MOB3B: variants seen among roughly 807,000 people sequenced by gnomAD.
MOB3B encodes MOB kinase activator-like 2B.
MOB3B carries 7 observed loss-of-function variants against 18.7 expected under a neutral mutation model. That is an observed-to-expected ratio of 0.37 (90% CI 0.21 to 0.70). The LOEUF is 0.70. Ranked by LOEUF, MOB3B falls within the 30% of genes least tolerant of loss-of-function variation. The probability of loss-of-function intolerance (pLI) is 0.52; values close to 1 mark genes in which losing one functional copy is unlikely to be tolerated. For missense variants in MOB3B, 253 were observed against 281.3 expected, an observed-to-expected ratio of 0.90 and a Z score of 0.72; for synonymous variants, 111 against 99.9, an observed-to-expected ratio of 1.11 and a Z score of -0.66.
intron 1 of MOB3B, chr9:27,524,520 GA>G (rs779914347): frequency 6.2e-7 from 1 of 1,614,106 alleles, no homozygotes; most frequent in Non-Finnish European, 8.5e-7. Context: ...ATGTCTACGA[GA>G]AAACATAGCT....
intron 2 of MOB3B, among the ~76,000 whole-genome samples, chr9:27,441,536 C>T (rs796830040): frequency 2.6e-5 from 4 of 152,224 alleles, no homozygotes; most frequent in African/African-American, 9.6e-5. Context: ...CAGGTAGAGT[C>T]TACAGTGTGG....
intron 2 of MOB3B, among the ~76,000 whole-genome samples, chr9:27,437,489 T>A (rs947533177): frequency 6.6e-6 from 1 of 152,236 alleles, no homozygotes; most frequent in Non-Finnish European, 1.5e-5. Context: ...ATAGCTCTGT[T>A]AGCACATTTA....
chr9:27,444,665 T>C (rs1822663183), intron 2 of MOB3B, among the ~76,000 whole-genome samples: 2 of 152,234 alleles, frequency 1.3e-5, no homozygotes, highest in African/African-American at 4.8e-5. Flanking sequence ...TAAAAAACTC[T>C]GTAGCTTTGT....
Position 27,344,072 on chromosome 9 carries a change from G to A in MOB3B, c.622-13456C>T, listed in dbSNP as rs886750568. ...TAGTTAAGACACTAAATTTCCTTAT[G>A]TGTATTTTACCACAATTAAAAAAAT... On this transcript the variant is annotated intron_variant, in intron 3 of 3. Coordinates refer to ENST00000262244, the MANE Select transcript of MOB3B (RefSeq NM_024761.5). Among the ~76,000 whole-genome samples, 103 of 151,446 alleles carry A rather than the reference G, an allele frequency of 6.8e-4. 1 individual carries two copies. The highest frequency in any genetic ancestry group is 2.4e-3 in the African/African-American group (100 of 41,120).
At chr9:27,346,270 C>A (rs1052125451) in intron 3 of MOB3B, among the ~76,000 whole-genome samples, 7 of 152,166 alleles carry the variant, frequency 4.6e-5, no homozygotes, top group African/African-American at 1.7e-4. Flanking sequence ...GTGAGCAGTG[C>A]ATTTCTGTTG....
chr9:27,444,154 A>G (rs78132674), intron 2 of MOB3B, among the ~76,000 whole-genome samples: 1 of 142,668 alleles, frequency 7.0e-6, no homozygotes, highest in East Asian at 2.1e-4. Flanking sequence ...GAAGAAGGAA[A>G]GAAGGAAGGA....
chr9:27,373,012 A>AT (rs768898686), intron 2 of MOB3B, among the ~76,000 whole-genome samples: 9 of 152,258 alleles, frequency 5.9e-5, no homozygotes, highest in Non-Finnish European at 1.3e-4. Context: ...AAATGTTTAT[A>AT]TTAAGAGTTT....
intron 1 of MOB3B, among the ~76,000 whole-genome samples, chr9:27,490,843 T>C (rs551757727): frequency 6.6e-6 from 1 of 152,142 alleles, no homozygotes; most frequent in Non-Finnish European, 1.5e-5. Context: ...ATCGATGCTG[T>C]AGGCACAATG....
intron 1 of MOB3B, among the ~76,000 whole-genome samples, chr9:27,472,133 G>A (rs534976721): frequency 2.2e-4 from 33 of 152,226 alleles, no homozygotes; most frequent in Middle Eastern, 6.8e-3. Context: ...GCAAAAGAGT[G>A]AAGGGTGTAA....
At chr9:27,334,887 G>T (rs1033479844) in intron 3 of MOB3B, among the ~76,000 whole-genome samples, 1 of 152,036 alleles carries the variant, frequency 6.6e-6, no homozygotes, top group Admixed American at 6.5e-5. Flanking sequence ...GCAGTGGCGC[G>T]ATCTCGGCTC....
intron 2 of MOB3B, among the ~76,000 whole-genome samples, chr9:27,409,301 G>A (rs1009297103): frequency 3.9e-5 from 6 of 152,132 alleles, no homozygotes; most frequent in African/African-American, 9.7e-5. Context: ...TGGCCCCAGA[G>A]CTAGACACTA....
chr9:27,485,540 T>G (rs1819718964), intron 1 of MOB3B, among the ~76,000 whole-genome samples: 1 of 152,238 alleles, frequency 6.6e-6, no homozygotes, highest in South Asian at 2.1e-4. Flanking sequence ...GTCTCCAATA[T>G]TAGCCCCTTT....
At chr9:27,524,571 A>G (rs1820399528) in intron 1 of MOB3B, 1 of 1,613,974 alleles carries the variant, frequency 6.2e-7, no homozygotes, top group Admixed American at 1.7e-5. Context: ...CACCCAACCT[A>G]TGAAGAGGGA....
At chr9:27,388,461 T>G (rs1027657641) in intron 2 of MOB3B, among the ~76,000 whole-genome samples, 2 of 152,198 alleles carry the variant, frequency 1.3e-5, no homozygotes, top group Non-Finnish European at 2.9e-5. Flanking sequence ...GAGTATCTTT[T>G]TTTTTCTCTT....
chr9:27,441,058 A>G (rs2764328), intron 2 of MOB3B, among the ~76,000 whole-genome samples: 49,883 of 151,950 alleles, frequency 0.33, 8,325 homozygotes, highest in African/African-American at 0.36. Flanking sequence ...AGAATCTAAC[A>G]CCGCCACTGA....
At chr9:27,431,348 A>C (rs1822415031) in intron 2 of MOB3B, among the ~76,000 whole-genome samples, 2 of 152,214 alleles carry the variant, frequency 1.3e-5, no homozygotes, top group South Asian at 4.1e-4. Flanking sequence ...TAGTGACTTA[A>C]TTACCATATT....
At chr9:27,336,157 C>A (rs1246404363) in intron 3 of MOB3B, among the ~76,000 whole-genome samples, 1 of 152,094 alleles carries the variant, frequency 6.6e-6, no homozygotes, top group Non-Finnish European at 1.5e-5. Context: ...GAAAAGGAGG[C>A]CCAGAAATTT....
intron 2 of MOB3B, among the ~76,000 whole-genome samples, chr9:27,424,770 A>T (rs1822302440): frequency 6.6e-6 from 1 of 152,304 alleles, no homozygotes; most frequent in East Asian, 1.9e-4. Context: ...CAACTCATAC[A>T]TAGTAAGTTC....
intron 2 of MOB3B, among the ~76,000 whole-genome samples, chr9:27,451,337 A>T (rs1822779289): frequency 6.6e-6 from 1 of 152,218 alleles, no homozygotes; most frequent in African/African-American, 2.4e-5. Flanking sequence ...TCACAGGGAC[A>T]TCTGTTGGGT....
Sources: gnomAD v4.1 joint callset for allele counts (sites outside exome capture counted in the v4.1 genomes callset) on GRCh38, gnomAD v4.1.1 for gene constraint, MANE v1.5 for transcripts, NCBI Gene and HGNC (gene_info 2026-07-23, HGNC 2026-07-21) for gene names.